USP54: variants seen among roughly 807,000 people sequenced by gnomAD.
USP54 encodes the protein ubiquitin carboxyl-terminal hydrolase 54.
In USP54, 87 loss-of-function variants were observed where a neutral mutation model predicts 170.5. That is an observed-to-expected ratio of 0.51 (90% CI 0.43 to 0.61). The LOEUF is 0.61. USP54 is among the 20% of genes least tolerant of loss of function. The pLI is 0.00. For missense variants in USP54, 1,786 were observed against 2,047.8 expected (o/e 0.87, Z 2.47); for synonymous variants, 655 against 742.8 (o/e 0.88, Z 1.92).
At position 73,519,840 on chromosome 10, in the gene USP54, C is replaced by T. The variant is rs765631954; in HGVS notation, c.2635G>A (p.Ala879Thr). Residue 879 changes from alanine to threonine, a missense_variant, in exon 19 of 24, where the codon GCC becomes ACC. This residue lies in a region of USP54 where 1,418 missense variants were observed against 1,569.0 expected (regional missense o/e 0.90). Transcript: ENST00000687698. ...QSPQQPSQPS[A>T]CLPTQAGTLS... ...GTCCCCGCCTGTGTTGGGAGGCAGG[C>T]TGAGGGCTGCGACGGCTGCTGTGGT... is the stretch of plus-strand genomic sequence containing the variant. 1 of 1,613,970 alleles carries T rather than the reference C, an allele frequency of 6.2e-7. No homozygotes were observed. Among genetic ancestry groups the T allele is most frequent in the Non-Finnish European group, 8.5e-7 (1 of 1,180,014 alleles).
At chr10:73,507,807 G>A (rs771879025) in intron 20 of USP54, among the ~76,000 whole-genome samples, 8 of 150,914 alleles carry the variant, frequency 5.3e-5, no homozygotes, top group Non-Finnish European at 1.2e-4. Flanking sequence ...AGGCAACATA[G>A]TGAGACCCCA....
chr10:73,572,858 C>T (rs904777620), intron 3 of USP54, among the ~76,000 whole-genome samples: 13 of 151,874 alleles, frequency 8.6e-5, no homozygotes, highest in Admixed American at 2.0e-4. Flanking sequence ...TATAAATAGA[C>T]CACATAGAAA....
intron 5 of USP54, 133 bp from the exon 6 acceptor site, chr10:73,543,264 G>GT: frequency 3.1e-6 from 2 of 645,190 alleles, no homozygotes; most frequent in Non-Finnish European, 5.3e-6. Context: ...AAAATTTTTA[G>GT]TTTAAAAAAA....
In USP54 at chr10:73,519,841, T is replaced by G; in HGVS notation, c.2634A>C (p.Ser878=). Residue 878 remains serine, a synonymous_variant, in exon 19 of 24, where the codon TCA becomes TCC. Coordinates refer to ENST00000687698, the MANE Select transcript of USP54 (RefSeq NM_001391956.1). ...TCCCCGCCTGTGTTGGGAGGCAGGCTGAGGGCTGCGACGGCTGCTGTGGTG... is the reference window on the plus strand; with the variant it reads ...TCCCCGCCTGTGTTGGGAGGCAGGCGGAGGGCTGCGACGGCTGCTGTGGTG... ...QQSPQQPSQP[S]ACLPTQAGTL... is the part of the protein sequence containing the mutation. 1 of 1,614,122 alleles carries G rather than the reference T, an allele frequency of 6.2e-7. No homozygotes were observed. The highest frequency in any genetic ancestry group is 2.2e-5 in the East Asian group (1 of 44,874).
In USP54 at chr10:73,534,608, C is replaced by T. The variant is rs755588113; in HGVS notation, c.1307G>A (p.Arg436Gln). The T allele has an allele frequency of 7.4e-6, 12 of 1,613,632 alleles. No homozygotes were observed. The highest frequency in any genetic ancestry group is 2.2e-5 in the South Asian group (2 of 91,046). ...VENDSMSQSS[R>Q]DTGHLTDSEC... ...TCTGTATAAGTCCCTACCTGTGTCC[C>T]GACTGCTCTGAGACATGGAATCATT... is the stretch of plus-strand genomic sequence containing the variant. Residue 436 changes from arginine (R) to glutamine (Q), a missense_variant, in exon 12 of 24, where the codon CGG (arginine) becomes CAG (glutamine). Transcript: ENST00000687698.
At chr10:73,544,997 C>A (rs2133551099) in intron 5 of USP54, among the ~76,000 whole-genome samples, 1 of 152,274 alleles carries the variant, frequency 6.6e-6, no homozygotes, top group South Asian at 2.1e-4. Flanking sequence ...CAGGCATGAG[C>A]CACCATGCCC....
chr10:73,575,730 T>G, intron 2 of USP54, 55 bp from the exon 3 acceptor site: 1 of 1,476,356 alleles, frequency 6.8e-7, no homozygotes, highest in Non-Finnish European at 9.0e-7. Flanking sequence ...TTCTGTCTGC[T>G]AAAGTTCTAA....
intron 9 of USP54, among the ~76,000 whole-genome samples, chr10:73,540,735 C>T (rs1406710212): frequency 1.3e-5 from 2 of 152,124 alleles, no homozygotes; most frequent in Non-Finnish European, 2.9e-5. Context: ...GCTGGGACTA[C>T]AGGTAGGCAC....
chr10:73,551,694 T>C (rs963405959), intron 4 of USP54, among the ~76,000 whole-genome samples: 1 of 152,244 alleles, frequency 6.6e-6, no homozygotes, highest in Non-Finnish European at 1.5e-5. Context: ...CAATTGTTAC[T>C]GGTAAGAAAT....
chr10:73,590,587 CA>C (rs1208559749), intron 1 of USP54, among the ~76,000 whole-genome samples: 2 of 152,208 alleles, frequency 1.3e-5, no homozygotes, highest in East Asian at 3.9e-4. Context: ...ATATTTGACT[CA>C]ATCTAAATAT....
At chr10:73,504,815 G>A in intron 22 of USP54, 35 bp downstream of exon 22, 2 of 1,613,944 alleles carry the variant, frequency 1.2e-6, no homozygotes, top group Non-Finnish European at 1.7e-6. Flanking sequence ...CAAGGAGGAG[G>A]GTGCTCTGAA....
chr10:73,614,678 T>A (rs2080473904), intron 1 of USP54, among the ~76,000 whole-genome samples: 1 of 149,362 alleles, frequency 6.7e-6, no homozygotes, highest in South Asian at 2.1e-4. Context: ...AAAGACACGA[T>A]ATTCAACAAA....
chr10:73,530,910 C>T (rs1412320675), intron 12 of USP54, 75 bp from the exon 13 acceptor site: 1 of 1,585,034 alleles, frequency 6.3e-7, no homozygotes, highest in Non-Finnish European at 8.6e-7. Context: ...TACCTAATCT[C>T]CCTTTGGGAG....
At chr10:73,588,461 C>T (rs953393820) in intron 1 of USP54, among the ~76,000 whole-genome samples, 1 of 152,058 alleles carries the variant, frequency 6.6e-6, no homozygotes, top group Admixed American at 6.6e-5. Context: ...TGACCTCAAG[C>T]GATCCGCCCA....
chr10:73,554,944 C>CA (rs1028188876), intron 4 of USP54, among the ~76,000 whole-genome samples: 5 of 151,590 alleles, frequency 3.3e-5, no homozygotes, highest in East Asian at 1.9e-4. Context: ...CTTGTCTCTA[C>CA]AAAAAAAAAT....
chr10:73,620,004 G>A (rs767580872), intron 1 of USP54, among the ~76,000 whole-genome samples: 2 of 150,426 alleles, frequency 1.3e-5, no homozygotes, highest in Non-Finnish European at 2.9e-5. Flanking sequence ...GTGACTTTGG[G>A]TAAGTCATTT....
intron 1 of USP54, among the ~76,000 whole-genome samples, chr10:73,579,241 G>A (rs1030424075): frequency 4.6e-5 from 7 of 151,970 alleles, no homozygotes; most frequent in Non-Finnish European, 8.8e-5. Context: ...GTGAGCCACT[G>A]CACCCGGACA....
chr10:73,554,302 A>G (rs562415051), intron 4 of USP54, among the ~76,000 whole-genome samples: 2 of 152,270 alleles, frequency 1.3e-5, no homozygotes, highest in East Asian at 3.9e-4. Flanking sequence ...CCCTGCCATT[A>G]ACTCAATTCT....
At chr10:73,569,938 A>C (rs1370969588) in intron 4 of USP54, among the ~76,000 whole-genome samples, 61 of 136,852 alleles carry the variant, frequency 4.5e-4, no homozygotes, top group African/African-American at 1.6e-3. Context: ...AAAAAAAAAA[A>C]AACACCCTCC....
Sources: gnomAD v4.1 joint callset for allele counts (sites outside exome capture counted in the v4.1 genomes callset) on GRCh38, gnomAD v4.1.1 for gene constraint, gnomAD v4.1.1 regional missense constraint, MANE v1.5 for transcripts, NCBI Gene and HGNC (gene_info 2026-07-23, HGNC 2026-07-21) for gene names.